GLG1: variants seen among roughly 807,000 people sequenced by gnomAD.
GLG1 encodes golgi glycoprotein 1.
GLG1 carries 38 observed loss-of-function variants against 160.5 expected under a neutral mutation model. That is an observed-to-expected ratio of 0.24 (90% CI 0.18 to 0.31). The LOEUF (loss-of-function observed/expected upper bound fraction) is 0.31. Among genes scored for constraint, GLG1 ranks in the 10% least tolerant of loss-of-function variants. The pLI is 1.00. For synonymous variants in GLG1, 644 were observed against 543.4 expected (o/e 1.19, Z -2.57); for missense variants, 1,373 against 1,505.2 (o/e 0.91, Z 1.45).
intron 8 of GLG1, among the ~76,000 whole-genome samples, chr16:74,490,559 T>A (rs561439477): frequency 1.3e-5 from 2 of 152,152 alleles, no homozygotes; most frequent in South Asian, 2.1e-4. Flanking sequence ...ACAGAAAAAA[T>A]TTAGAAACTT....
intron 1 of GLG1, among the ~76,000 whole-genome samples, chr16:74,549,533 G>C (rs751094892): frequency 6.6e-6 from 1 of 152,144 alleles, no homozygotes; most frequent in African/African-American, 2.4e-5. Flanking sequence ...TGATCCGCCC[G>C]CCTCAGCTTC....
intron 1 of GLG1, among the ~76,000 whole-genome samples, chr16:74,575,815 T>G (rs962625547): frequency 6.6e-6 from 1 of 152,130 alleles, no homozygotes; most frequent in African/African-American, 2.4e-5. Context: ...TTCAAATTCA[T>G]CACCAACAAA....
intron 1 of GLG1, among the ~76,000 whole-genome samples, chr16:74,557,012 G>A (rs1042955212): frequency 1.1e-4 from 17 of 151,976 alleles, no homozygotes; most frequent in Admixed American, 7.2e-4. Context: ...AATTTGGCAG[G>A]AGGAAGATTT....
chr16:74,564,096 T>C (rs1432055747), intron 1 of GLG1, among the ~76,000 whole-genome samples: 2 of 152,182 alleles, frequency 1.3e-5, no homozygotes, highest in Non-Finnish European at 2.9e-5. Context: ...AATTTTTGTA[T>C]TTTCTGTAGA....
chr16:74,541,112 T>G (rs1056996979), intron 1 of GLG1, among the ~76,000 whole-genome samples: 3 of 151,916 alleles, frequency 2.0e-5, no homozygotes, highest in African/African-American at 7.3e-5. Context: ...GATCACAAGG[T>G]CAGGTGTTCG....
In GLG1 at chr16:74,452,682, T is replaced by C; in HGVS notation, c.*485A>G. 1.0e-6 allele frequency: 1 copy of C among 993,718 alleles called. No individual in the cohort carries two copies. Among genetic ancestry groups the C allele is most frequent in the Non-Finnish European group, 1.2e-6 (1 of 834,492 alleles). The allele number at this position is 993,718 out of a possible 1,614,324, so 61.6% of individuals were successfully genotyped here. On this transcript the variant is annotated 3_prime_UTR_variant, in exon 26 of 26. Transcript: ENST00000422840. ...ACGAGACACCTCAGTCATGGCACAC[T>C]GGGTGGTGTGCTTCCCCTCCAAGTC...
At chr16:74,521,241 C>T (rs936100704) in intron 2 of GLG1, among the ~76,000 whole-genome samples, 3 of 152,084 alleles carry the variant, frequency 2.0e-5, no homozygotes, top group Admixed American at 6.6e-5. Flanking sequence ...GGTATTTGCA[C>T]GCTTGCAGGG....
intron 1 of GLG1, among the ~76,000 whole-genome samples, chr16:74,543,859 G>A (rs1224570162): frequency 6.6e-6 from 1 of 152,048 alleles, no homozygotes; most frequent in South Asian, 2.1e-4. Flanking sequence ...ATCACCACAC[G>A]ACCTGAACAA....
chr16:74,482,316 A>C (rs1277508597), intron 10 of GLG1, among the ~76,000 whole-genome samples: 1 of 152,208 alleles, frequency 6.6e-6, no homozygotes, highest in African/African-American at 2.4e-5. Flanking sequence ...TCACCAAAAA[A>C]AATTAACTAC....
intron 1 of GLG1, among the ~76,000 whole-genome samples, chr16:74,592,444 T>C (rs935736741): frequency 7.9e-5 from 12 of 152,180 alleles, no homozygotes; most frequent in Non-Finnish European, 1.6e-4. Context: ...TTTATATAAA[T>C]GTTCTTGACC....
intron 1 of GLG1, among the ~76,000 whole-genome samples, chr16:74,548,611 G>A (rs1399995521): frequency 5.3e-5 from 8 of 152,128 alleles, no homozygotes; most frequent in East Asian, 3.9e-4. Flanking sequence ...AACTTCCTTC[G>A]TGGACAATTT....
intron 16 of GLG1, chr16:74,469,267 A>C (rs2015112426): frequency 1.7e-6 from 1 of 586,604 alleles, no homozygotes; most frequent in Admixed American, 2.9e-5. Flanking sequence ...CAGCAGCATG[A>C]ATGCTGACTA....
intron 1 of GLG1, among the ~76,000 whole-genome samples, chr16:74,606,253 A>G (rs938662202): frequency 1.6e-4 from 24 of 152,234 alleles, no homozygotes; most frequent in African/African-American, 5.8e-4. Context: ...TAAGTACGCC[A>G]GGCATTTTTT....
In GLG1 at chr16:74,459,245, G is replaced by A. The variant is rs190011456; in HGVS notation, c.3144+437C>T. Among the ~76,000 whole-genome samples, 125 of 152,242 alleles carry A rather than the reference G, an allele frequency of 8.2e-4. 1 individual carries two copies. The highest frequency in any genetic ancestry group is 1.5e-3 in the Admixed American group (23 of 15,284). The stretch of plus-strand genomic sequence containing the variant: ...TGTAATCCCAGCACTTTGGAAGGCC[G>A]AGGCGGGTGGATCACGAGGTCAGGA... On this transcript the variant is annotated intron_variant, in intron 23 of 25. Coordinates refer to ENST00000422840, the MANE Select transcript of GLG1 (RefSeq NM_001145667.2).
At chr16:74,593,919 A>AT (rs892624063) in intron 1 of GLG1, among the ~76,000 whole-genome samples, 8 of 150,880 alleles carry the variant, frequency 5.3e-5, no homozygotes, top group Admixed American at 1.3e-4. Context: ...TCTTGTTGTC[A>AT]TTTTTTTGAG....
intron 1 of GLG1, among the ~76,000 whole-genome samples, chr16:74,588,789 G>C (rs772763423): frequency 6.6e-6 from 1 of 152,076 alleles, no homozygotes; most frequent in African/African-American, 2.4e-5. Flanking sequence ...TGTAAAATAA[G>C]TCTCATATCT....
intron 2 of GLG1, among the ~76,000 whole-genome samples, chr16:74,518,105 G>T (rs567031596): frequency 5.9e-5 from 9 of 152,160 alleles, no homozygotes; most frequent in Non-Finnish European, 8.8e-5. Flanking sequence ...AATCAATATC[G>T]TGAAAATGGC....
intron 2 of GLG1, among the ~76,000 whole-genome samples, chr16:74,527,877 G>C (rs1193442982): frequency 1.6e-5 from 2 of 122,912 alleles, no homozygotes; most frequent in African/African-American, 6.2e-5. Context: ...CAGGTGCGGT[G>C]GTTAATTCTT....
intron 1 of GLG1, among the ~76,000 whole-genome samples, chr16:74,544,715 T>C (rs1181991209): frequency 6.6e-6 from 1 of 152,206 alleles, no homozygotes; most frequent in African/African-American, 2.4e-5. Context: ...TGGGCCAGGA[T>C]GGTCTCAATC....
Sources: allele counts gnomAD v4.1 joint callset (sites outside exome capture counted in the v4.1 genomes callset), GRCh38; gene constraint gnomAD v4.1.1; transcripts MANE v1.5; gene names NCBI Gene and HGNC (gene_info 2026-07-23, HGNC 2026-07-21).